KLHL1: variants seen among roughly 807,000 people sequenced by gnomAD.
The protein encoded by KLHL1 is kelch like family member 1.
In KLHL1, 47 loss-of-function variants were observed where a neutral mutation model predicts 77.7. That is an observed-to-expected ratio of 0.60 (90% CI 0.48 to 0.77). The LOEUF is 0.77. Ranked by LOEUF, KLHL1 falls within the 30% of genes least tolerant of loss-of-function variation. The probability of loss-of-function intolerance (pLI) is 0.00; values close to 1 mark genes in which losing one functional copy is unlikely to be tolerated. For synonymous variants in KLHL1, 360 were observed against 325.2 expected, an observed-to-expected ratio of 1.11 and a Z score of -1.15; for missense variants, 925 against 910.8, an observed-to-expected ratio of 1.02 and a Z score of -0.20.
intron 8 of KLHL1, among the ~76,000 whole-genome samples, chr13:69,728,649 C>CA (rs536317353): frequency 0.11 from 15,123 of 132,752 alleles, 859 homozygotes; most frequent in African/African-American, 0.13. Flanking sequence ...CTAAAAATGC[C>CA]AAAAAAAAAA....
At chr13:69,753,079 C>G (rs944363047) in intron 7 of KLHL1, among the ~76,000 whole-genome samples, 1 of 152,050 alleles carries the variant, frequency 6.6e-6, no homozygotes, top group African/African-American at 2.4e-5. Context: ...TTCTTCCTGC[C>G]CAATCCTCCT....
At chr13:70,032,746 A>G (rs982424206) in intron 1 of KLHL1, among the ~76,000 whole-genome samples, 3 of 152,194 alleles carry the variant, frequency 2.0e-5, no homozygotes, top group Non-Finnish European at 1.5e-5. Context: ...TATGCATGCA[A>G]AAGTTATTTA....
In KLHL1 at chr13:69,975,646, A is replaced by C. The variant is rs1191963583; in HGVS notation, c.654T>G (p.Val218=). The change falls in exon 2 of 11, where the codon GTT becomes GTG. Residue 218 remains valine (V), a synonymous_variant. Transcript: ENST00000377844. ...TATGTGCAGGTATCTTTCGGTTCCC[A>C]ACAATCAGGATAACATCACAAAGTT... ...QQQLCDVILI[V]GNRKIPAHRL... is the part of the protein sequence containing the mutation. The C allele has an allele frequency of 6.2e-7, 1 of 1,613,288 alleles. No homozygotes were observed. Among genetic ancestry groups the C allele is most frequent in the African/African-American group, 1.3e-5 (1 of 74,872 alleles).
In KLHL1 at chr13:70,107,292, A is replaced by G. The variant is rs767674590; in HGVS notation, c.408T>C (p.Pro136=). The change falls in exon 1 of 11, where the codon CCT becomes CCC. Residue 136 remains proline (P), a synonymous_variant. Coordinates refer to ENST00000377844, the MANE Select transcript of KLHL1 (RefSeq NM_020866.3). The part of the protein sequence containing the change: ...EEEVVPGMDF[P]GPHEKGLVLQ... Reference sequence around the variant, plus strand: ...GAACCAGCCCTTTTTCGTGTGGTCCAGGAAAGTCCATGCCTGGCACCACCT... The same window carrying G: ...GAACCAGCCCTTTTTCGTGTGGTCCGGGAAAGTCCATGCCTGGCACCACCT... 3 of 1,614,124 alleles carry G rather than the reference A, an allele frequency of 1.9e-6. No homozygotes were observed. The highest frequency in any genetic ancestry group is 1.7e-6 in the Non-Finnish European group (2 of 1,180,026).
chr13:69,834,385 A>T (rs1878897637), intron 6 of KLHL1, among the ~76,000 whole-genome samples: 1 of 152,056 alleles, frequency 6.6e-6, no homozygotes, highest in Admixed American at 6.6e-5. Context: ...TCCTAGATCC[A>T]TAAAATTGTT....
At chr13:69,845,026 T>G (rs2138120897) in intron 5 of KLHL1, among the ~76,000 whole-genome samples, 1 of 151,774 alleles carries the variant, frequency 6.6e-6, no homozygotes, top group African/African-American at 2.4e-5. Flanking sequence ...AGACTAGAAC[T>G]TGCCCTTCAA....
intron 4 of KLHL1, among the ~76,000 whole-genome samples, chr13:69,936,237 C>G (rs1356250788): frequency 1.3e-5 from 2 of 152,042 alleles, no homozygotes; most frequent in Non-Finnish European, 2.9e-5. Context: ...TTGCATCTAA[C>G]ATTGAGGAAA....
intron 5 of KLHL1, among the ~76,000 whole-genome samples, chr13:69,879,009 TCAAACAC>T (rs1880878188): frequency 6.6e-6 from 1 of 151,756 alleles, no homozygotes; most frequent in Non-Finnish European, 1.5e-5. Context: ...GGAGAAAAAA[TCAAACAC>T]CACATGTTCT....
intron 7 of KLHL1, among the ~76,000 whole-genome samples, chr13:69,786,926 T>A (rs1876582365): frequency 6.6e-6 from 1 of 152,036 alleles, no homozygotes; most frequent in Non-Finnish European, 1.5e-5. Context: ...GAGAATAAAA[T>A]ACCTAGGAAT....
intron 1 of KLHL1, among the ~76,000 whole-genome samples, chr13:69,986,607 A>G (rs938368029): frequency 6.6e-6 from 1 of 151,970 alleles, no homozygotes; most frequent in African/African-American, 2.4e-5. Context: ...TTTTATTCTT[A>G]TGGAGTGTTG....
chr13:69,775,007 T>C (rs1014250435), intron 7 of KLHL1, among the ~76,000 whole-genome samples: 3 of 152,338 alleles, frequency 2.0e-5, no homozygotes, highest in African/African-American at 7.2e-5. Flanking sequence ...GAACAAACTT[T>C]AATCTGTATT....
intron 4 of KLHL1, among the ~76,000 whole-genome samples, chr13:69,898,412 C>T (rs1354794021): frequency 2.0e-5 from 3 of 152,164 alleles, no homozygotes; most frequent in African/African-American, 7.2e-5. Context: ...AAGTGCACTT[C>T]TTGGTCCTTT....
At position 69,863,076 on chromosome 13, in the gene KLHL1, A is replaced by C. The variant is rs572408722; in HGVS notation, c.1227+19207T>G. ...CTCCAGCTTTGCAATGTAATTACTA[A>C]AATGTTTTTATTCCACTCTAGTGAA... On this transcript the variant is annotated intron_variant, in intron 5 of 10. Transcript: ENST00000377844. Among the ~76,000 whole-genome samples the C allele has an allele frequency of 6.6e-4, 100 of 152,232 alleles. 1 individual carries two copies. In the South Asian group the frequency reaches 0.02, roughly 31 times the overall value.
intron 1 of KLHL1, among the ~76,000 whole-genome samples, chr13:69,979,871 A>G (rs1253372580): frequency 1.3e-5 from 2 of 152,200 alleles, no homozygotes; most frequent in Non-Finnish European, 2.9e-5. Context: ...CCATAGCTAT[A>G]CTATTCTATT....
intron 3 of KLHL1, among the ~76,000 whole-genome samples, chr13:69,945,143 GC>G (rs1189683243): frequency 6.6e-6 from 1 of 150,982 alleles, no homozygotes; most frequent in Non-Finnish European, 1.5e-5. Flanking sequence ...CCGCCACCAC[GC>G]CCAGCTAATT....
At chr13:70,036,835 CTTTTTT>C (rs5804467) in intron 1 of KLHL1, among the ~76,000 whole-genome samples, 2 of 50,698 alleles carry the variant, frequency 3.9e-5, no homozygotes, top group East Asian at 1.4e-3. Flanking sequence ...ATGCCATGGT[CTTTTTT>C]TTTTTTTTTT....
intron 5 of KLHL1, among the ~76,000 whole-genome samples, chr13:69,860,810 C>T: frequency 6.6e-6 from 1 of 150,900 alleles, no homozygotes; most frequent in Non-Finnish European, 1.5e-5. Flanking sequence ...TTATTGAACT[C>T]ATTAATTCCT....
intron 7 of KLHL1, among the ~76,000 whole-genome samples, chr13:69,780,713 T>TAC (rs1876117512): frequency 3.0e-5 from 1 of 32,952 alleles, no homozygotes; most frequent in African/African-American, 1.7e-4. Context: ...TATATATATA[T>TAC]ATGTATATAT....
chr13:70,026,539 A>T (rs1885945009), intron 1 of KLHL1, among the ~76,000 whole-genome samples: 1 of 152,128 alleles, frequency 6.6e-6, no homozygotes, highest in South Asian at 2.1e-4. Flanking sequence ...TCACTAGTTT[A>T]CTCTGCTACT....
Sources: gnomAD v4.1 joint callset for allele counts (sites outside exome capture counted in the v4.1 genomes callset) on GRCh38, gnomAD v4.1.1 for gene constraint, MANE v1.5 for transcripts, NCBI Gene and HGNC (gene_info 2026-07-23, HGNC 2026-07-21) for gene names.